The following TCF12 variants were observed in gnomAD, a reference collection of about 807,000 sequenced individuals.
TCF12 encodes the protein DNA-binding protein HTF4.
TCF12 carries 45 observed loss-of-function variants against 86.0 expected under a neutral mutation model. The observed-to-expected ratio is 0.52, with a 90% CI of 0.41 to 0.67. The LOEUF is 0.67. TCF12 is among the 30% of genes least tolerant of loss of function. The pLI is 0.00. For synonymous variants in TCF12, 330 were observed against 299.6 expected, an observed-to-expected ratio of 1.10 and a Z score of -1.05; for missense variants, 881 against 859.9, an observed-to-expected ratio of 1.02 and a Z score of -0.31.
At chr15:57,151,290 T>C (rs1231445040) in intron 5 of TCF12, among the ~76,000 whole-genome samples, 1 of 151,786 alleles carries the variant, frequency 6.6e-6, no homozygotes, top group Non-Finnish European at 1.5e-5. Flanking sequence ...CCCCTAAATG[T>C]CATTTTTAGA....
chr15:57,211,693 C>G (rs921073480), intron 8 of TCF12, among the ~76,000 whole-genome samples: 2 of 152,220 alleles, frequency 1.3e-5, no homozygotes, highest in Non-Finnish European at 2.9e-5. Context: ...GTGGCCCATG[C>G]CTGTAATCTC....
At chr15:57,064,002 T>C (rs575465827) in intron 4 of TCF12, among the ~76,000 whole-genome samples, 179 bp downstream of exon 4, 1 of 152,348 alleles carries the variant, frequency 6.6e-6, no homozygotes, top group African/African-American at 2.4e-5. Context: ...ACTTTGGAAA[T>C]TTAATTTCCT....
At chr15:57,025,562 GA>G (rs1349690253) in intron 3 of TCF12, among the ~76,000 whole-genome samples, 1 of 152,080 alleles carries the variant, frequency 6.6e-6, no homozygotes, top group East Asian at 1.9e-4. Flanking sequence ...CAATGGGATG[GA>G]ATTGTAGCCT....
At chr15:57,225,184 AT>A (rs2058809601) in intron 8 of TCF12, among the ~76,000 whole-genome samples, 1 of 138,406 alleles carries the variant, frequency 7.2e-6, no homozygotes, top group Admixed American at 7.1e-5. Context: ...AGTTTCAGAA[AT>A]TTTTAAATGT....
chr15:57,198,394 C>G (rs1195606597), intron 8 of TCF12, among the ~76,000 whole-genome samples: 1 of 152,080 alleles, frequency 6.6e-6, no homozygotes, highest in Non-Finnish European at 1.5e-5. Context: ...GGAAAGCTTT[C>G]AAGCAACTAG....
At chr15:57,106,774 C>T (rs143449145) in intron 5 of TCF12, among the ~76,000 whole-genome samples, 1 of 152,180 alleles carries the variant, frequency 6.6e-6, no homozygotes, top group Non-Finnish European at 1.5e-5. Context: ...TGAACAGACA[C>T]CTCACCCAGG....
intron 3 of TCF12, among the ~76,000 whole-genome samples, chr15:57,018,659 T>G (rs2065291898): frequency 6.6e-6 from 1 of 152,062 alleles, no homozygotes; most frequent in African/African-American, 2.4e-5. Flanking sequence ...CAGGCTGGTC[T>G]TGAACTCCTG....
chr15:57,250,655 G>A (rs2060066941), intron 13 of TCF12, among the ~76,000 whole-genome samples: 1 of 152,072 alleles, frequency 6.6e-6, no homozygotes, highest in Admixed American at 6.6e-5. Flanking sequence ...CTTGAACCTG[G>A]GAGGTAGAGG....
intron 3 of TCF12, among the ~76,000 whole-genome samples, chr15:56,998,609 C>A (rs1442690258): frequency 6.6e-6 from 1 of 151,972 alleles, no homozygotes; most frequent in Non-Finnish European, 1.5e-5. Context: ...CTTCAAAATT[C>A]TTTTCTTAGG....
intron 5 of TCF12, among the ~76,000 whole-genome samples, chr15:57,114,946 G>A (rs1384183238): frequency 6.6e-6 from 1 of 152,044 alleles, no homozygotes; most frequent in African/African-American, 2.4e-5. Flanking sequence ...ATGCAACAAG[G>A]AAGGAAAATA....
At chr15:57,056,573 T>C (rs2068046672) in intron 3 of TCF12, among the ~76,000 whole-genome samples, 1 of 152,086 alleles carries the variant, frequency 6.6e-6, no homozygotes, top group East Asian at 1.9e-4. Flanking sequence ...AATCCTCCAA[T>C]GTTAACCTCC....
At chr15:57,217,437 G>A (rs983127137) in intron 8 of TCF12, among the ~76,000 whole-genome samples, 7 of 152,174 alleles carry the variant, frequency 4.6e-5, no homozygotes, top group Admixed American at 4.6e-4. Flanking sequence ...TAATAACCAA[G>A]GTTGCTTAGT....
intron 17 of TCF12, 35 bp downstream of exon 17, chr15:57,262,243 A>G (rs376251896): frequency 7.8e-6 from 11 of 1,408,880 alleles, no homozygotes; most frequent in African/African-American, 1.4e-5. Context: ...AATAATGCAG[A>G]CAGAGATATC....
chr15:57,245,228 G>T (rs1333882327), intron 13 of TCF12, among the ~76,000 whole-genome samples: 1 of 152,218 alleles, frequency 6.6e-6, no homozygotes, highest in Non-Finnish European at 1.5e-5. Flanking sequence ...CCGGTTTGGG[G>T]ATGATGAACT....
intron 5 of TCF12, among the ~76,000 whole-genome samples, chr15:57,097,400 A>AT (rs1158058971): frequency 2.0e-5 from 3 of 151,936 alleles, no homozygotes; most frequent in African/African-American, 7.3e-5. Flanking sequence ...ATGGTGGCAC[A>AT]TGCCTATGGT....
intron 3 of TCF12, among the ~76,000 whole-genome samples, chr15:57,013,911 C>G (rs1049857978): frequency 6.6e-6 from 1 of 152,144 alleles, no homozygotes; most frequent in Non-Finnish European, 1.5e-5. Flanking sequence ...AATACCCTAG[C>G]AATTGGATAC....
At chr15:57,249,853 A>G (rs1389047286) in intron 13 of TCF12, among the ~76,000 whole-genome samples, 1 of 152,174 alleles carries the variant, frequency 6.6e-6, no homozygotes, top group Non-Finnish European at 1.5e-5. Flanking sequence ...TCTGTAAATG[A>G]CTTATTTTCA....
intron 3 of TCF12, among the ~76,000 whole-genome samples, chr15:57,050,440 T>G (rs1347183966): frequency 6.6e-6 from 1 of 152,206 alleles, no homozygotes; most frequent in South Asian, 2.1e-4. Flanking sequence ...TTTGCTCTTA[T>G]GTAATTTATC....
intron 4 of TCF12, among the ~76,000 whole-genome samples, chr15:57,084,466 A>T (rs1435232120): frequency 2.0e-5 from 3 of 152,224 alleles, no homozygotes; most frequent in African/African-American, 7.2e-5. Flanking sequence ...GACTTACAGG[A>T]TAATATAAAC....
Sources: allele counts gnomAD v4.1 joint callset (sites outside exome capture counted in the v4.1 genomes callset), GRCh38; gene constraint gnomAD v4.1.1; transcripts MANE v1.5; gene names NCBI Gene and HGNC (gene_info 2026-07-23, HGNC 2026-07-21).